The following OCA2 variants were observed in gnomAD, a reference collection of about 807,000 sequenced individuals.
OCA2 encodes OCA2 melanosomal transmembrane protein, also known as P protein.
Under a neutral mutation model 100.2 loss-of-function variants are expected in OCA2, and 77 were observed. The observed-to-expected ratio is 0.77, with a 90% confidence interval of 0.64 to 0.93. OCA2 has a LOEUF of 0.93. OCA2 is among the 40% of genes least tolerant of loss of function. The pLI is 0.00. For synonymous variants in OCA2, 432 were observed against 439.2 expected (o/e 0.98, Z 0.21); for missense variants, 1,062 against 1,089.1 (o/e 0.98, Z 0.35).
chr15:27,995,487 G>A (rs2041693768), intron 9 of OCA2, among the ~76,000 whole-genome samples: 1 of 151,876 alleles, frequency 6.6e-6, no homozygotes, highest in African/African-American at 2.4e-5. Flanking sequence ...TGAACTCCTG[G>A]ACTTAAGCAA....
At chr15:27,975,539 C>T (rs562471328) in intron 14 of OCA2, among the ~76,000 whole-genome samples, 30 of 152,238 alleles carry the variant, frequency 2.0e-4, no homozygotes, top group Admixed American at 4.6e-4. Flanking sequence ...TTGTGGAAAA[C>T]GCTATCTTGT....
chr15:27,963,922 C>T (rs530789983), intron 15 of OCA2, among the ~76,000 whole-genome samples: 5 of 152,120 alleles, frequency 3.3e-5, no homozygotes, highest in African/African-American at 1.2e-4. Flanking sequence ...ATGACATTAT[C>T]AAAAATTTGA....
At chr15:27,840,128 CAAAT>C (rs1009612515) in intron 23 of OCA2, among the ~76,000 whole-genome samples, 1 of 151,594 alleles carries the variant, frequency 6.6e-6, no homozygotes, top group Admixed American at 6.6e-5. Context: ...ATAAAACAAA[CAAAT>C]AAAAATAAAT....
chr15:27,926,142 G>C lies in OCA2; in HGVS notation c.2064C>G (p.Leu688=). The C allele has an allele frequency of 6.2e-7, 1 of 1,614,054 alleles. No homozygotes were observed. The highest frequency in any genetic ancestry group is 1.3e-5 in the African/African-American group (1 of 75,036). ...AAAATCTTACCTCCATCAGAACAAA[G>C]AGCGCTGCAAAAAACAGAAGGGTTG... ...EWATLLFFAA[L]FVLMEALAHL... is the part of the protein sequence containing the mutation. Residue 688 remains leucine, a synonymous_variant, in exon 19 of 24, where the codon CTC becomes CTG. Coordinates refer to ENST00000354638, the MANE Select transcript of OCA2 (RefSeq NM_000275.3).
At position 28,016,173 on chromosome 15, in the gene OCA2, CAG is replaced by C. The variant is rs773257827; in HGVS notation, c.819_820del (p.Asn273LysfsTer20). 101 of 1,614,078 alleles carry C rather than the reference CAG, an allele frequency of 6.3e-5. No individual in the cohort carries two copies. The African/African-American group carries it at 1.1e-3, about 18-fold the overall frequency. On this transcript the variant is annotated frameshift_variant, in exon 8 of 24. Transcript: ENST00000354638. LOFTEE classifies it high-confidence loss of function. ...TCTCCTCGGATTTAAATACACCGTC[CAG>C]TTGTGAGTGACCTGTACAAGCCAAA...
chr15:27,866,925 G>A lies in OCA2; in HGVS notation c.2244+4229C>T, dbSNP rs548236913. The stretch of plus-strand genomic sequence containing the variant: ...CCAGTCTGGAGAATTTGGAGGAGAG[G>A]TGTGACAAGGCATACTCAAGAGCAG... On this transcript the variant is annotated intron_variant, in intron 21 of 23. Transcript: ENST00000354638. 3.3e-5 allele frequency among the ~76,000 whole-genome samples: 5 copies of A among 152,322 alleles called. No homozygotes were observed. In the East Asian group the frequency reaches 9.7e-4, roughly 29 times the overall value.
chr15:27,970,656 TAAG>T (rs1567174184), intron 14 of OCA2, among the ~76,000 whole-genome samples: 1 of 85,436 alleles, frequency 1.2e-5, no homozygotes, highest in African/African-American at 4.7e-5. Flanking sequence ...GGGAAAACAT[TAAG>T]AATGTCCCAG....
At chr15:27,732,108 C>T in the OCA2 span, among the ~76,000 whole-genome samples, 2 of 152,178 alleles carry the variant, frequency 1.3e-5, 1 homozygote, top group African/African-American at 4.8e-5. Context: ...TGCCAATCAG[C>T]CATACACAGT....
chr15:27,781,135 A>G (rs2032518532), intron 23 of OCA2, among the ~76,000 whole-genome samples: 1 of 152,150 alleles, frequency 6.6e-6, no homozygotes, highest in African/African-American at 2.4e-5. Flanking sequence ...GTCAGTGCCT[A>G]TGGTTCATTG....
the OCA2 span, among the ~76,000 whole-genome samples, chr15:27,728,416 C>A: frequency 0.058 from 8,866 of 151,956 alleles, 896 homozygotes; most frequent in African/African-American, 0.2. Context: ...TCTAAATGAG[C>A]TGCAGAGCTG....
chr15:27,849,055 A>G (rs1567020600), intron 22 of OCA2, among the ~76,000 whole-genome samples: 1 of 151,324 alleles, frequency 6.6e-6, no homozygotes, highest in East Asian at 1.9e-4. Context: ...GATTGATCTG[A>G]ACACAGCCAC....
In OCA2 at chr15:27,851,481, G is replaced by T. The variant is rs368772032; in HGVS notation, c.2245-6C>A. 244 of 1,611,434 alleles carry T rather than the reference G, an allele frequency of 1.5e-4. No homozygotes were observed. The highest frequency in any genetic ancestry group is 2.0e-4 in the Non-Finnish European group (234 of 1,178,742). ...AGGTTCAGGAGCACGGGAATCTGTG[G>T]AGGAAGAGGACATTGATGCCACGTC... On this transcript the variant is annotated splice_polypyrimidine_tract_variant and splice_region_variant and intron_variant, in intron 21 of 23. Transcript: ENST00000354638.
Position 28,024,920 on chromosome 15 carries a change from G to T in OCA2, c.516-18C>A. 1 of 1,613,610 alleles carries T rather than the reference G, an allele frequency of 6.2e-7. No homozygotes were observed. ...CACAGCGCCTGCAAGAGAAAAAGTA[G>T]GGCCTTAGTGGCAAGGGCAGCAGTC... is the stretch of plus-strand genomic sequence containing the variant. On this transcript the variant is annotated intron_variant, in intron 4 of 23. Coordinates refer to ENST00000354638, the MANE Select transcript of OCA2 (RefSeq NM_000275.3).
At chr15:28,047,472 A>G (rs1243926381) in intron 2 of OCA2, among the ~76,000 whole-genome samples, 1 of 152,180 alleles carries the variant, frequency 6.6e-6, no homozygotes, top group African/African-American at 2.4e-5. Context: ...CATGTCATAT[A>G]GATGGACTCC....
In OCA2 at chr15:27,931,756, C is replaced by T. The variant is rs903857778; in HGVS notation, c.1952-5502G>A. On this transcript the variant is annotated intron_variant, in intron 18 of 23. Coordinates refer to ENST00000354638, the MANE Select transcript of OCA2 (RefSeq NM_000275.3). ...TAGATTATTTTCTGGAAAACAATGA[C>T]AGTTATTGAATACGATGTATAGAAT... Among the ~76,000 whole-genome samples, 5 of 152,228 alleles carry T rather than the reference C, an allele frequency of 3.3e-5. No homozygotes were observed. The East Asian group carries it at 7.7e-4, about 23-fold the overall frequency.
At chr15:27,778,034 G>A (rs1229648177) in intron 23 of OCA2, among the ~76,000 whole-genome samples, 1 of 152,196 alleles carries the variant, frequency 6.6e-6, no homozygotes, top group Non-Finnish European at 1.5e-5. Context: ...GCCTTTTAGT[G>A]TAGAATACCA....
At chr15:28,052,126 T>C (rs544147757) in intron 2 of OCA2, among the ~76,000 whole-genome samples, 2 of 152,194 alleles carry the variant, frequency 1.3e-5, no homozygotes, top group African/African-American at 4.8e-5. Context: ...TGGCTCTGCT[T>C]CCTAGGGCAT....
At chr15:27,917,220 T>C (rs747955199) in intron 19 of OCA2, among the ~76,000 whole-genome samples, 2 of 152,172 alleles carry the variant, frequency 1.3e-5, no homozygotes, top group African/African-American at 2.4e-5. Flanking sequence ...TAATAGGCTA[T>C]AGCACTTTTT....
chr15:27,988,745 C>A (rs2041445052), intron 11 of OCA2, among the ~76,000 whole-genome samples: 1 of 152,178 alleles, frequency 6.6e-6, no homozygotes, highest in South Asian at 2.1e-4. Context: ...TCTCTTCTAT[C>A]CAGATGCCCA....
Sources: allele counts gnomAD v4.1 joint callset (sites outside exome capture counted in the v4.1 genomes callset), GRCh38; gene constraint gnomAD v4.1.1; transcripts MANE v1.5; gene names NCBI Gene and HGNC (gene_info 2026-07-23, HGNC 2026-07-21).